Variants in NLGN1 observed in about 807,000 individuals in gnomAD.
The protein encoded by NLGN1 is neuroligin-1.
Under a neutral mutation model 65.5 loss-of-function variants are expected in NLGN1, and 12 were observed. The observed-to-expected ratio is 0.18, with a 90% CI of 0.12 to 0.30. The LOEUF (loss-of-function observed/expected upper bound fraction) is 0.30, where lower values mean the gene tolerates loss of function less well. NLGN1 is among the 10% of genes least tolerant of loss of function. NLGN1 has a pLI of 1.00. For synonymous variants in NLGN1, 350 were observed against 359.5 expected (o/e 0.97, Z 0.30); for missense variants, 750 against 1,007.1 (o/e 0.74, Z 3.46).
chr3:174,031,560 A>G (rs979701040), intron 4 of NLGN1, among the ~76,000 whole-genome samples: 4 of 152,198 alleles, frequency 2.6e-5, no homozygotes, highest in Non-Finnish European at 4.4e-5. Context: ...GTAAAAGATT[A>G]TAATGGCTCC....
chr3:174,124,607 ACG>A (rs1561100668), intron 4 of NLGN1, among the ~76,000 whole-genome samples: 2 of 146,598 alleles, frequency 1.4e-5, no homozygotes, highest in African/African-American at 5.0e-5. Flanking sequence ...ATACATATAT[ACG>A]TATATATACG....
chr3:174,106,729 A>G lies in NLGN1; in HGVS notation c.647-168586A>G, dbSNP rs138661548. ...AGGCTATGAACTTCCACCCTATGCC[A>G]TCTGCAAGCTGGAGAACTCAGAGAG... is the stretch of plus-strand genomic sequence containing the variant. On this transcript the variant is annotated intron_variant, in intron 4 of 6. Transcript: ENST00000457714. Among the ~76,000 whole-genome samples the G allele has an allele frequency of 4.8e-3, 737 of 152,120 alleles. 7 individuals are homozygous for G. The highest frequency in any genetic ancestry group is 0.017 in the African/African-American group (685 of 41,508).
chr3:174,125,284 C>T (rs555144763), intron 4 of NLGN1, among the ~76,000 whole-genome samples: 87 of 151,996 alleles, frequency 5.7e-4, no homozygotes, highest in Admixed American at 5.6e-3. Context: ...GCCTATAGGC[C>T]ATATTGGCTT....
chr3:173,404,217 C>T (rs1039819722), intron 1 of NLGN1, among the ~76,000 whole-genome samples: 5 of 152,056 alleles, frequency 3.3e-5, no homozygotes, highest in Admixed American at 2.6e-4. Context: ...ACTCTTTCTT[C>T]AGTATAAAGG....
chr3:174,067,354 C>T (rs1047325849), intron 4 of NLGN1, among the ~76,000 whole-genome samples: 1 of 152,132 alleles, frequency 6.6e-6, no homozygotes, highest in Non-Finnish European at 1.5e-5. Flanking sequence ...ACTGTAATAA[C>T]TTTTATTTCT....
chr3:173,752,268 G>A (rs1394936861), intron 3 of NLGN1, among the ~76,000 whole-genome samples: 1 of 152,034 alleles, frequency 6.6e-6, no homozygotes, highest in Non-Finnish European at 1.5e-5. Context: ...TATGCAGAAT[G>A]TACCCAGTGT....
At chr3:173,761,822 A>G (rs1578308945) in intron 3 of NLGN1, among the ~76,000 whole-genome samples, 1 of 152,092 alleles carries the variant, frequency 6.6e-6, no homozygotes, top group Non-Finnish European at 1.5e-5. Context: ...CAGATAATGC[A>G]GACTTTTTAC....
chr3:174,154,257 T>C (rs1724918969), intron 4 of NLGN1, among the ~76,000 whole-genome samples: 1 of 146,818 alleles, frequency 6.8e-6, no homozygotes, highest in South Asian at 2.1e-4. Context: ...AGAACTTCAA[T>C]ACCAGATTTT....
chr3:173,968,449 T>C (rs1037959563), intron 4 of NLGN1, among the ~76,000 whole-genome samples: 1 of 152,070 alleles, frequency 6.6e-6, no homozygotes, highest in Non-Finnish European at 1.5e-5. Flanking sequence ...CCTCAACCAA[T>C]TATAGTCCTA....
chr3:173,603,805 G>C (rs990794032), intron 2 of NLGN1, among the ~76,000 whole-genome samples: 1 of 151,942 alleles, frequency 6.6e-6, no homozygotes, highest in Non-Finnish European at 1.5e-5. Context: ...ATGGGATTGG[G>C]AGCCACCTTT....
intron 4 of NLGN1, among the ~76,000 whole-genome samples, chr3:174,020,385 A>G (rs1362007218): frequency 6.6e-6 from 1 of 152,082 alleles, no homozygotes; most frequent in Non-Finnish European, 1.5e-5. Context: ...CAAGTGACTG[A>G]TGGAAAATTT....
intron 4 of NLGN1, among the ~76,000 whole-genome samples, chr3:173,867,807 A>C (rs1444401854): frequency 1.3e-5 from 2 of 152,098 alleles, no homozygotes; most frequent in East Asian, 3.9e-4. Context: ...TAGGTTGGGA[A>C]GTTTAAAATC....
At chr3:173,973,962 C>T (rs1374770840) in intron 4 of NLGN1, among the ~76,000 whole-genome samples, 5 of 151,936 alleles carry the variant, frequency 3.3e-5, no homozygotes, top group Non-Finnish European at 7.4e-5. Context: ...TGCTTTGATG[C>T]ATGGGCTAGC....
At chr3:173,571,929 T>C (rs974065291) in intron 2 of NLGN1, among the ~76,000 whole-genome samples, 14 of 152,188 alleles carry the variant, frequency 9.2e-5, no homozygotes, top group African/African-American at 2.4e-4. Context: ...TTGAAGGAAA[T>C]AGATAACTCT....
At chr3:173,696,900 G>A (rs1303102725) in intron 3 of NLGN1, among the ~76,000 whole-genome samples, 3 of 152,134 alleles carry the variant, frequency 2.0e-5, no homozygotes, top group Non-Finnish European at 2.9e-5. Flanking sequence ...CCTAAACAGA[G>A]TAGTATGTTT....
intron 3 of NLGN1, among the ~76,000 whole-genome samples, chr3:173,646,662 A>G (rs1264656752): frequency 6.6e-6 from 1 of 152,202 alleles, no homozygotes; most frequent in East Asian, 1.9e-4. Flanking sequence ...TATAAACCCT[A>G]AATCAATGAC....
chr3:173,875,899 C>T (rs978985596), intron 4 of NLGN1, among the ~76,000 whole-genome samples: 16 of 152,002 alleles, frequency 1.1e-4, no homozygotes, highest in African/African-American at 3.9e-4. Context: ...AATATAACTA[C>T]TCAGAAAGAA....
chr3:173,761,051 T>G (rs1464964366), intron 3 of NLGN1, among the ~76,000 whole-genome samples: 1 of 152,012 alleles, frequency 6.6e-6, no homozygotes, highest in Non-Finnish European at 1.5e-5. Flanking sequence ...AAACAGGAAA[T>G]TCTGCTTCAT....
intron 4 of NLGN1, among the ~76,000 whole-genome samples, chr3:173,927,645 T>C (rs1743258073): frequency 6.6e-6 from 1 of 152,068 alleles, no homozygotes; most frequent in African/African-American, 2.4e-5. Context: ...ATTTGCACAT[T>C]TTTCAAGAGT....
Sources: allele counts gnomAD v4.1 joint callset (sites outside exome capture counted in the v4.1 genomes callset), GRCh38; gene constraint gnomAD v4.1.1; transcripts MANE v1.5; gene names NCBI Gene and HGNC (gene_info 2026-07-23, HGNC 2026-07-21).